Variants in CNTN4 observed in about 807,000 individuals in gnomAD.
CNTN4 encodes the protein contactin 4, also known as contactin-4.
A neutral mutation model predicts 122.5 loss-of-function variants in CNTN4; 77 were observed. That is an observed-to-expected ratio of 0.63 (90% CI 0.52 to 0.76). CNTN4 has a LOEUF of 0.76. CNTN4 is among the 30% of genes least tolerant of loss of function. The pLI is 0.00. For synonymous variants in CNTN4, 512 were observed against 447.0 expected (o/e 1.15, Z -1.83); for missense variants, 1,256 against 1,259.1 (o/e 1.00, Z 0.04).
At chr3:2,875,532 C>A (rs1412624780) in intron 8 of CNTN4, among the ~76,000 whole-genome samples, 1 of 152,164 alleles carries the variant, frequency 6.6e-6, no homozygotes, top group Non-Finnish European at 1.5e-5. Context: ...TGGCACACAG[C>A]CACTCCCATT....
At chr3:2,168,612 A>G (rs2036307116) in intron 2 of CNTN4, among the ~76,000 whole-genome samples, 1 of 152,142 alleles carries the variant, frequency 6.6e-6, no homozygotes, top group Non-Finnish European at 1.5e-5. Context: ...GTAGAAATTA[A>G]TGACTTGTTT....
Position 2,719,666 on chromosome 3 carries a change from C to T in CNTN4, c.56-16549C>T, listed in dbSNP as rs545420862. Among the ~76,000 whole-genome samples the T allele has an allele frequency of 1.7e-3, 256 of 152,262 alleles. 2 individuals are homozygous for T. Among genetic ancestry groups the T allele is most frequent in the African/African-American group, 5.8e-3 (242 of 41,538 alleles). On this transcript the variant is annotated intron_variant, in intron 4 of 24. Coordinates refer to ENST00000418658, the MANE Select transcript of CNTN4 (RefSeq NM_175607.3). ...CTCAAACCCCTGACCTCAGGCGATCCGCCTGCTTGGGCCTCCCAAAGTGCT... is the reference window on the plus strand; with the variant it reads ...CTCAAACCCCTGACCTCAGGCGATCTGCCTGCTTGGGCCTCCCAAAGTGCT...
At chr3:2,159,057 A>G (rs1303727917) in intron 2 of CNTN4, among the ~76,000 whole-genome samples, 1 of 152,096 alleles carries the variant, frequency 6.6e-6, no homozygotes, top group African/African-American at 2.4e-5. Flanking sequence ...GAGAAAATGA[A>G]GGCTCAGAAC....
intron 13 of CNTN4, among the ~76,000 whole-genome samples, chr3:2,962,576 T>C (rs1345142975): frequency 6.6e-6 from 1 of 152,210 alleles, no homozygotes; most frequent in Non-Finnish European, 1.5e-5. Context: ...AGAAGCTGTA[T>C]ATTTACAGGA....
intron 3 of CNTN4, among the ~76,000 whole-genome samples, chr3:2,568,825 C>T (rs1451005893): frequency 6.6e-6 from 1 of 152,134 alleles, no homozygotes; most frequent in African/African-American, 2.4e-5. Flanking sequence ...ATCTACAGCC[C>T]TTAATAGAAC....
At chr3:2,652,618 T>C (rs1051185162) in intron 4 of CNTN4, among the ~76,000 whole-genome samples, 9 of 151,894 alleles carry the variant, frequency 5.9e-5, no homozygotes, top group African/African-American at 2.2e-4. Context: ...CACACAGGAA[T>C]AACAAAGAAA....
In CNTN4 at chr3:2,385,470, C is replaced by G. The variant is rs1021574729; in HGVS notation, c.-89+46237C>G. Among the ~76,000 whole-genome samples the G allele has an allele frequency of 6.6e-6, 1 of 152,020 alleles. No homozygotes were observed. Among genetic ancestry groups the G allele is most frequent in the African/African-American group, 2.4e-5 (1 of 41,430 alleles). ...GCTTGTATTAGTTTCTTAGGACTGC[C>G]ACAGCAAAGTACCATACACAGGGTG... On this transcript the variant is annotated intron_variant, in intron 3 of 24. Transcript: ENST00000418658. This position sits in a 1 kb window ranked among gnomAD's most constrained non-coding sequence, Gnocchi z 4.0.
intron 2 of CNTN4, among the ~76,000 whole-genome samples, chr3:2,281,853 ACTAGAAGTTTGGTATT>A (rs1356406790): frequency 6.6e-6 from 1 of 152,130 alleles, no homozygotes; most frequent in Non-Finnish European, 1.5e-5. Context: ...TGAGTAATAT[ACTAGAAGTTTGGTATT>A]CGTGACTCTC....
chr3:2,200,954 T>A (rs1364012554), intron 2 of CNTN4, among the ~76,000 whole-genome samples: 2 of 152,158 alleles, frequency 1.3e-5, no homozygotes, highest in African/African-American at 4.8e-5. Context: ...TCACTAGAAA[T>A]GAGTTTTAAA....
rs769002064 is a variant in CNTN4 at position 3,057,500 on chromosome 3, A to G, written c.*1280A>G. On this transcript the variant is annotated 3_prime_UTR_variant, in exon 25 of 25. Transcript: ENST00000418658. ...TTGTTACAATGAGAAAGGTTTTGTG[A>G]GTAAACCCTACTGGACAGTGACATA... 6.6e-6 allele frequency: 1 copy of G among 152,664 alleles called. No individual in the cohort carries two copies. Among genetic ancestry groups the G allele is most frequent in the Non-Finnish European group, 1.5e-5 (1 of 68,032 alleles). The allele number at this position is 152,664 out of a possible 1,614,324, so 9.5% of individuals were successfully genotyped here. A position where few individuals can be genotyped will look rare whatever the true frequency, so the allele number is the denominator to read the frequency against.
At chr3:2,859,070 C>T (rs767077578) in intron 7 of CNTN4, among the ~76,000 whole-genome samples, 1 of 152,216 alleles carries the variant, frequency 6.6e-6, no homozygotes, top group Non-Finnish European at 1.5e-5. Flanking sequence ...TCCCTGCTCC[C>T]CAGCTAGCTT....
intron 10 of CNTN4, among the ~76,000 whole-genome samples, chr3:2,898,137 G>C (rs4685577): frequency 0.62 from 93,583 of 152,008 alleles, 29,159 homozygotes; most frequent in East Asian, 0.77. Context: ...GAGTGAAAAC[G>C]TTTACTACAT....
intron 2 of CNTN4, among the ~76,000 whole-genome samples, chr3:2,193,588 A>G (rs2037692915): frequency 6.6e-6 from 1 of 152,200 alleles, no homozygotes; most frequent in Admixed American, 6.5e-5. Context: ...TGGGTGAATT[A>G]ACAACACTGA....
In CNTN4 at chr3:2,840,485, G is replaced by A. The variant is rs541370685; in HGVS notation, c.454+20904G>A. Among the ~76,000 whole-genome samples the A allele has an allele frequency of 6.2e-5, 9 of 145,054 alleles. No individual in the cohort carries two copies. The South Asian group carries it at 1.2e-3, about 19-fold the overall frequency. On this transcript the variant is annotated intron_variant, in intron 7 of 24. Transcript: ENST00000418658. The stretch of plus-strand genomic sequence containing the variant: ...GGAGGCCGAGGCGGGCGGATCACGA[G>A]GTCAGGAGATCGAGACCATCCTGGC...
chr3:3,034,762 C>G lies in CNTN4; in HGVS notation c.1914C>G (p.Phe638Leu). Reference sequence around the variant, plus strand: ...ATGTCATTCAAGCCAGGACTCCATTCTCCGTGGGCTGGCAAGCAGTCAGTA... The same window carrying G: ...ATGTCATTCAAGCCAGGACTCCATTGTCCGTGGGCTGGCAAGCAGTCAGTA... ...TMYVIQARTP[F>L]SVGWQAVSTV... Residue 638 changes from phenylalanine to leucine, a missense_variant, in exon 17 of 25, where the codon TTC becomes TTG. Physicochemically the swap from Phe to Leu is conservative, Grantham distance 22. Coordinates refer to ENST00000418658, the MANE Select transcript of CNTN4 (RefSeq NM_175607.3). The G allele has an allele frequency of 1.9e-6, 3 of 1,614,100 alleles. No homozygotes were observed. The highest frequency in any genetic ancestry group is 2.5e-6 in the Non-Finnish European group (3 of 1,180,004).
intron 4 of CNTN4, among the ~76,000 whole-genome samples, chr3:2,676,067 T>G (rs2084826327): frequency 6.6e-6 from 1 of 152,198 alleles, no homozygotes; most frequent in African/African-American, 2.4e-5. Context: ...TTTAAAATAA[T>G]ACACTGGACT....
chr3:2,101,083 C>G (rs774140686), intron 2 of CNTN4, among the ~76,000 whole-genome samples: 14 of 152,150 alleles, frequency 9.2e-5, no homozygotes, highest in Non-Finnish European at 1.5e-5. Context: ...AATGCAGTAC[C>G]TTTTTCCATG....
In CNTN4 at chr3:2,383,893, C is replaced by A. The variant is rs542791811; in HGVS notation, c.-89+44660C>A. ...ACTCCTTGACTTGTGTTCTAATAAA[C>A]CCATTGTAAAGCCACAAAATTATAA... On this transcript the variant is annotated intron_variant, in intron 3 of 24. Transcript: ENST00000418658. 5.2e-4 allele frequency among the ~76,000 whole-genome samples: 79 copies of A among 152,126 alleles called. 1 individual carries two copies. Among genetic ancestry groups the A allele is most frequent in the Middle Eastern group, 6.8e-3 (2 of 294 alleles).
intron 1 of CNTN4, 60 bp from the exon 2 acceptor site, chr3:2,100,498 T>C (rs2031839984): frequency 6.6e-6 from 1 of 152,186 alleles, no homozygotes; most frequent in Non-Finnish European, 1.5e-5. Flanking sequence ...GTCCATACAA[T>C]AGCGTTCCCA....
Sources: allele counts gnomAD v4.1 joint callset (sites outside exome capture counted in the v4.1 genomes callset), GRCh38; gene constraint gnomAD v4.1.1; non-coding constraint Gnocchi (gnomAD v3.1); transcripts MANE v1.5; gene names NCBI Gene and HGNC (gene_info 2026-07-23, HGNC 2026-07-21).